ACO2: variants seen among roughly 807,000 people sequenced by gnomAD.
ACO2 encodes aconitate hydratase, mitochondrial.
Under a neutral mutation model 84.5 loss-of-function variants are expected in ACO2, and 31 were observed. The ratio of observed to expected loss-of-function variants is 0.37; its 90% CI spans 0.28 to 0.50. The LOEUF is 0.50. ACO2 is among the 20% of genes least tolerant of loss of function. The pLI is 0.97. For missense variants in ACO2, 685 were observed against 1,029.3 expected (o/e 0.67, Z 4.58); for synonymous variants, 414 against 412.7 (o/e 1.00, Z -0.04).
intron 1 of ACO2, among the ~76,000 whole-genome samples, chr22:41,492,153 T>C (rs2066276171): frequency 6.6e-6 from 1 of 152,238 alleles, no homozygotes. Context: ...GCACAGAAAG[T>C]GCTTGGCATG....
chr22:41,515,885 A>T lies in ACO2; in HGVS notation c.803A>T (p.His268Leu). Reference sequence around the variant, plus strand: ...GGCACAGGTGCAATCGTGGAATACCACGGGCCTGGTGTAGACTCCATCTCC... The same window carrying T: ...GGCACAGGTGCAATCGTGGAATACCTCGGGCCTGGTGTAGACTCCATCTCC... ...KGGTGAIVEY[H>L]GPGVDSISCT... Residue 268 changes from histidine to leucine, a missense_variant, in exon 6 of 18, where the codon CAC becomes CTC. By Grantham distance (99) the His-to-Leu change is moderately conservative (BLOSUM62 -3). Transcript: ENST00000216254. This position sits in a 1 kb window ranked among gnomAD's most constrained non-coding sequence, Gnocchi z 5.8. 6.2e-7 allele frequency: 1 copy of T among 1,614,170 alleles called. No homozygotes were observed. Among genetic ancestry groups the T allele is most frequent in the South Asian group, 1.1e-5 (1 of 91,076 alleles).
intron 6 of ACO2, chr22:41,516,140 G>A: frequency 3.0e-6 from 2 of 663,044 alleles, no homozygotes; most frequent in South Asian, 1.8e-5. Context: ...TGTCGAGGCT[G>A]CCGGTGACTT....
chr22:41,483,251 A>G (rs1032318077), intron 1 of ACO2, among the ~76,000 whole-genome samples: 1 of 152,224 alleles, frequency 6.6e-6, no homozygotes, highest in South Asian at 2.1e-4. Flanking sequence ...ACTGTGTTGG[A>G]TGGCCTTATG....
intron 1 of ACO2, among the ~76,000 whole-genome samples, chr22:41,492,040 C>T (rs1029485101): frequency 1.3e-5 from 2 of 152,200 alleles, no homozygotes; most frequent in Non-Finnish European, 2.9e-5. Context: ...GAGTCAACTG[C>T]ATACCAGCTA....
intron 15 of ACO2, chr22:41,526,765 G>A (rs1166790789): frequency 8.4e-6 from 3 of 358,742 alleles, no homozygotes; most frequent in East Asian, 1.0e-4. Context: ...CTCAGAGAGG[G>A]GGCTACACGG....
chr22:41,523,117 C>G (rs1489107116), intron 10 of ACO2, 88 bp from the exon 11 acceptor site: 3 of 1,537,410 alleles, frequency 2.0e-6, no homozygotes, highest in Non-Finnish European at 8.9e-7. Flanking sequence ...GGTTCCAGTA[C>G]AGCACTTCGT....
intron 15 of ACO2, 99 bp from the exon 16 acceptor site, chr22:41,527,189 T>C (rs2066617864): frequency 2.0e-5 from 31 of 1,578,092 alleles, no homozygotes; most frequent in Non-Finnish European, 2.7e-5. Context: ...AGCCTCAGGA[T>C]GCCCAGGCGC....
intron 9 of ACO2, chr22:41,521,488 A>G (rs2066526281): frequency 6.6e-6 from 1 of 152,260 alleles, no homozygotes; most frequent in South Asian, 2.1e-4. Flanking sequence ...GTAAAACAGG[A>G]GTCATGATCG....
chr22:41,509,297 A>G (rs552002899), intron 3 of ACO2, among the ~76,000 whole-genome samples: 1 of 152,194 alleles, frequency 6.6e-6, no homozygotes, highest in South Asian at 2.1e-4. Flanking sequence ...TCATTCCCTC[A>G]TGCGTTCAAC....
intron 1 of ACO2, among the ~76,000 whole-genome samples, chr22:41,471,382 C>T (rs1003693413): frequency 6.6e-6 from 1 of 152,180 alleles, no homozygotes; most frequent in East Asian, 1.9e-4. Flanking sequence ...CCAACTAACA[C>T]GGTTTCTCTG....
chr22:41,489,047 T>C (rs898591975), intron 1 of ACO2, among the ~76,000 whole-genome samples: 4 of 147,136 alleles, frequency 2.7e-5, no homozygotes, highest in Non-Finnish European at 6.0e-5. Flanking sequence ...CCTCCTCCCC[T>C]TTTTTTTTTG....
chr22:41,511,761 C>T, intron 3 of ACO2, 115 bp from the exon 4 acceptor site: 1 of 688,248 alleles, frequency 1.5e-6, no homozygotes, highest in Non-Finnish European at 2.4e-6. Flanking sequence ...GGGCCTGTCT[C>T]CAGTGCCAGT....
chr22:41,470,676 G>A (rs2037935845), intron 1 of ACO2, among the ~76,000 whole-genome samples: 1 of 151,804 alleles, frequency 6.6e-6, no homozygotes, highest in Non-Finnish European at 1.5e-5. Context: ...CCGAGTAGCT[G>A]GGATTACAGG....
chr22:41,528,371 T>C, intron 17 of ACO2, 108 bp from the exon 18 acceptor site: 1 of 1,482,074 alleles, frequency 6.7e-7, no homozygotes, highest in Middle Eastern at 2.5e-4. Context: ...TTGGTTTGCC[T>C]GCTGACCTCT....
At chr22:41,504,125 A>G (rs1423763663) in intron 2 of ACO2, among the ~76,000 whole-genome samples, 1 of 152,228 alleles carries the variant, frequency 6.6e-6, no homozygotes, top group Non-Finnish European at 1.5e-5. Context: ...CTGAGGCAGG[A>G]GAGCCGCTTG....
chr22:41,527,085 GT>G (rs1193952169), intron 15 of ACO2: 1 of 697,758 alleles, frequency 1.4e-6, no homozygotes, highest in East Asian at 2.8e-5. Flanking sequence ...ACGTGCCTCT[GT>G]CCCCTCGGGG....
At chr22:41,486,351 T>C (rs905290199) in intron 1 of ACO2, among the ~76,000 whole-genome samples, 3 of 152,016 alleles carry the variant, frequency 2.0e-5, no homozygotes, top group Non-Finnish European at 4.4e-5. Flanking sequence ...TGGAGTGCAG[T>C]GGTGTAATCT....
At chr22:41,482,034 A>G (rs2038094048) in intron 1 of ACO2, among the ~76,000 whole-genome samples, 2 of 152,218 alleles carry the variant, frequency 1.3e-5, no homozygotes, top group African/African-American at 2.4e-5. Context: ...TCATCTCGCC[A>G]GCAGCATCCT....
chr22:41,499,523 C>G (rs2066338684), intron 1 of ACO2, among the ~76,000 whole-genome samples: 2 of 152,156 alleles, frequency 1.3e-5, no homozygotes, highest in South Asian at 2.1e-4. Flanking sequence ...CTATAAATCC[C>G]TTGCACTTTT....
Sources: allele counts gnomAD v4.1 joint callset (sites outside exome capture counted in the v4.1 genomes callset), GRCh38; gene constraint gnomAD v4.1.1; non-coding constraint Gnocchi (gnomAD v3.1); transcripts MANE v1.5; gene names NCBI Gene and HGNC (gene_info 2026-07-23, HGNC 2026-07-21).